The following TRPM3 variants were observed in gnomAD, a reference collection of about 807,000 sequenced individuals.
TRPM3 encodes transient receptor potential cation channel subfamily M member 3.
A neutral mutation model predicts 181.2 loss-of-function variants in TRPM3; 77 were observed. That is an observed-to-expected ratio of 0.42 (90% CI 0.35 to 0.51). TRPM3 has a LOEUF of 0.51. Among genes scored for constraint, TRPM3 ranks in the 20% least tolerant of loss-of-function variants. The pLI is 0.01. For missense variants in TRPM3, 1,759 were observed against 2,196.7 expected (o/e 0.80, Z 3.98); for synonymous variants, 745 against 796.4 (o/e 0.94, Z 1.09).
intron 1 of TRPM3, among the ~76,000 whole-genome samples, chr9:70,879,690 G>C (rs920404850): frequency 6.6e-6 from 1 of 152,118 alleles, no homozygotes; most frequent in Non-Finnish European, 1.5e-5. Context: ...TCAAAAAATA[G>C]AGTAGTTAGC....
intron 3 of TRPM3, among the ~76,000 whole-genome samples, chr9:70,847,619 G>T (rs901367211): frequency 2.6e-5 from 4 of 152,072 alleles, no homozygotes; most frequent in African/African-American, 9.7e-5. Context: ...CATAGGGCTG[G>T]TATACTTCAA....
chr9:71,126,888 A>G (rs535548932), intron 1 of TRPM3, among the ~76,000 whole-genome samples: 2 of 152,216 alleles, frequency 1.3e-5, no homozygotes, highest in South Asian at 4.1e-4. Context: ...AGAAAATTCT[A>G]CCTAAGACTG....
intron 1 of TRPM3, among the ~76,000 whole-genome samples, chr9:71,160,921 C>G (rs2076245527): frequency 6.6e-6 from 1 of 152,026 alleles, no homozygotes; most frequent in Admixed American, 6.6e-5. Context: ...CTAAGCAAGC[C>G]TTATATTTTG....
intron 1 of TRPM3, among the ~76,000 whole-genome samples, chr9:70,954,112 A>C (rs113121964): frequency 0.019 from 2,938 of 152,296 alleles, 50 homozygotes; most frequent in East Asian, 0.052. Flanking sequence ...AAGATCAGAC[A>C]AAAGCAGAAG....
chr9:70,613,730 A>G (rs2062331557), intron 18 of TRPM3, among the ~76,000 whole-genome samples: 1 of 152,188 alleles, frequency 6.6e-6, no homozygotes, highest in Non-Finnish European at 1.5e-5. Context: ...AGAACCTTCT[A>G]CTGGGCTCTT....
At chr9:71,013,723 G>A (rs1369390369) in intron 1 of TRPM3, among the ~76,000 whole-genome samples, 8 of 151,864 alleles carry the variant, frequency 5.3e-5, no homozygotes, top group Admixed American at 5.2e-4. Flanking sequence ...AGTATAAAGT[G>A]GCCTTAATGA....
chr9:71,294,571 G>T (rs1302955384), intron 1 of TRPM3, among the ~76,000 whole-genome samples: 1 of 148,468 alleles, frequency 6.7e-6, no homozygotes, highest in Admixed American at 6.6e-5. Context: ...ACTTGGTATT[G>T]TATAGTAGAG....
At chr9:71,438,446 G>T (rs1018925533) in intron 1 of TRPM3, among the ~76,000 whole-genome samples, 3 of 152,000 alleles carry the variant, frequency 2.0e-5, no homozygotes, top group Non-Finnish European at 4.4e-5. Flanking sequence ...GAGGTGGAAG[G>T]ATCACTTGAG....
At chr9:70,774,750 A>T (rs551583554) in intron 7 of TRPM3, 1 of 152,330 alleles carries the variant, frequency 6.6e-6, no homozygotes, top group South Asian at 2.1e-4. Context: ...TTAGAGGTTT[A>T]TGCTCATGAA....
chr9:70,641,850 A>G (rs1163390446), intron 9 of TRPM3, among the ~76,000 whole-genome samples: 1 of 152,208 alleles, frequency 6.6e-6, no homozygotes, highest in Non-Finnish European at 1.5e-5. Flanking sequence ...AAGCAACATT[A>G]GGCTCCAGGC....
chr9:71,132,257 C>T (rs929333725), intron 1 of TRPM3, among the ~76,000 whole-genome samples: 4 of 152,170 alleles, frequency 2.6e-5, no homozygotes, highest in South Asian at 4.1e-4. Context: ...ATCTGAGTCT[C>T]GATCTCTTGT....
At chr9:70,630,265 A>G (rs2133378695) in intron 12 of TRPM3, among the ~76,000 whole-genome samples, 1 of 152,326 alleles carries the variant, frequency 6.6e-6, no homozygotes. Context: ...TGGACACAAT[A>G]ACTTCTAAGA....
intron 1 of TRPM3, among the ~76,000 whole-genome samples, chr9:71,172,591 A>G (rs1410399638): frequency 6.6e-6 from 1 of 151,976 alleles, no homozygotes; most frequent in Non-Finnish European, 1.5e-5. Flanking sequence ...TTTTTTGTAG[A>G]AACAGAGTCT....
In TRPM3 at chr9:71,089,894, T is replaced by C. The variant is rs543466213; in HGVS notation, c.177+31284A>G. ...ATCTTTCAGCCTCCCTGGACCATAC[T>C]GGAAAAGAAGAATTGTCTTGGGCCA... On this transcript the variant is annotated intron_variant, in intron 1 of 25. Coordinates refer to ENST00000677713, the MANE Select transcript of TRPM3 (RefSeq NM_001366145.2). Among the ~76,000 whole-genome samples the C allele has an allele frequency of 7.9e-5, 12 of 152,162 alleles. No individual in the cohort carries two copies. In the South Asian group the frequency reaches 2.5e-3, roughly 32 times the overall value.
chr9:71,437,794 G>C (rs1044434619), intron 1 of TRPM3, among the ~76,000 whole-genome samples: 3 of 150,660 alleles, frequency 2.0e-5, no homozygotes, highest in African/African-American at 7.3e-5. Flanking sequence ...CTTGAACCCA[G>C]GGGGCGGGGG....
chr9:70,960,951 G>C (rs1285642445), intron 1 of TRPM3, among the ~76,000 whole-genome samples: 1 of 152,166 alleles, frequency 6.6e-6, no homozygotes, highest in Non-Finnish European at 1.5e-5. Context: ...GGGGTTAACA[G>C]CCTGGAGTAG....
chr9:70,546,464 A>C (rs926422677), intron 25 of TRPM3, among the ~76,000 whole-genome samples: 7 of 152,146 alleles, frequency 4.6e-5, no homozygotes, highest in South Asian at 4.1e-4. Flanking sequence ...GCTGGGATGC[A>C]CACAAAAGCT....
intron 1 of TRPM3, among the ~76,000 whole-genome samples, chr9:70,997,389 G>C (rs970572854): frequency 2.6e-5 from 4 of 152,050 alleles, no homozygotes; most frequent in Non-Finnish European, 4.4e-5. Flanking sequence ...TAGAGACAGG[G>C]TTTCACCACG....
At chr9:70,633,721 A>G (rs1469258963) in intron 12 of TRPM3, among the ~76,000 whole-genome samples, 1 of 152,248 alleles carries the variant, frequency 6.6e-6, no homozygotes, top group Non-Finnish European at 1.5e-5. Context: ...GGAAAAATAA[A>G]AAAGTAGTTA....
Sources: gnomAD v4.1 joint callset for allele counts (sites outside exome capture counted in the v4.1 genomes callset) on GRCh38, gnomAD v4.1.1 for gene constraint, MANE v1.5 for transcripts, NCBI Gene and HGNC (gene_info 2026-07-23, HGNC 2026-07-21) for gene names.